The following GRHL1 variants were observed in gnomAD, a reference collection of about 807,000 sequenced individuals.
GRHL1 encodes grainyhead like transcription factor 1.
Under a neutral mutation model 75.7 loss-of-function variants are expected in GRHL1, and 38 were observed. The ratio of observed to expected loss-of-function variants is 0.50; its 90% CI spans 0.39 to 0.66. The LOEUF is 0.66. GRHL1 is among the 30% of genes least tolerant of loss of function. GRHL1 has a pLI of 0.00. For synonymous variants in GRHL1, 266 were observed against 279.4 expected (o/e 0.95, Z 0.48); for missense variants, 589 against 767.5 (o/e 0.77, Z 2.75).
intron 8 of GRHL1, among the ~76,000 whole-genome samples, chr2:9,972,807 T>TC (rs1667782405): frequency 6.6e-6 from 1 of 152,202 alleles, no homozygotes; most frequent in African/African-American, 2.4e-5. Flanking sequence ...GTCCTTAGGT[T>TC]CACCAGCTCC....
chr2:9,986,007 G>T, intron 8 of GRHL1, 117 bp from the exon 9 acceptor site: 1 of 689,122 alleles, frequency 1.5e-6, no homozygotes, highest in Non-Finnish European at 2.3e-6. Context: ...AAAATGAGAA[G>T]CTGAGCTTCT....
intron 14 of GRHL1, among the ~76,000 whole-genome samples, chr2:9,997,987 C>T (rs1413718426): frequency 6.6e-6 from 1 of 152,134 alleles, no homozygotes; most frequent in Non-Finnish European, 1.5e-5. Context: ...TATTATCATC[C>T]ACTCGTACAG....
chr2:9,980,575 T>C (rs1668156354), intron 8 of GRHL1, among the ~76,000 whole-genome samples: 1 of 152,226 alleles, frequency 6.6e-6, no homozygotes, highest in Non-Finnish European at 1.5e-5. Flanking sequence ...TGTGGTTAGT[T>C]TTTTTCTCTT....
At chr2:9,964,586 C>T (rs1010671068) in intron 7 of GRHL1, 19 of 395,724 alleles carry the variant, frequency 4.8e-5, no homozygotes, top group Non-Finnish European at 1.4e-5. Context: ...GGGCCAGAAG[C>T]CATGTAGCTG....
intron 8 of GRHL1, among the ~76,000 whole-genome samples, chr2:9,978,057 T>G (rs1380475859): frequency 6.6e-6 from 1 of 152,170 alleles, no homozygotes; most frequent in Non-Finnish European, 1.5e-5. Context: ...ACTTATTCAC[T>G]ACCACGAGAA....
At chr2:9,993,485 T>G (rs1668732052) in intron 12 of GRHL1, among the ~76,000 whole-genome samples, 1 of 152,258 alleles carries the variant, frequency 6.6e-6, no homozygotes, top group African/African-American at 2.4e-5. Flanking sequence ...AATAATGTCC[T>G]TTATAGCAAA....
At chr2:9,971,538 T>C (rs1419184755) in intron 8 of GRHL1, among the ~76,000 whole-genome samples, 2 of 152,214 alleles carry the variant, frequency 1.3e-5, no homozygotes, top group Non-Finnish European at 2.9e-5. Context: ...TTTCTATCCT[T>C]AAGACCCCAA....
At chr2:9,953,558 T>C (rs1666890684) in intron 1 of GRHL1, among the ~76,000 whole-genome samples, 1 of 152,258 alleles carries the variant, frequency 6.6e-6, no homozygotes, top group East Asian at 1.9e-4. Context: ...TCTTACCAAA[T>C]GTAACGTTTA....
chr2:9,970,592 A>G (rs1667685236), intron 8 of GRHL1, among the ~76,000 whole-genome samples: 1 of 152,172 alleles, frequency 6.6e-6, no homozygotes, highest in Non-Finnish European at 1.5e-5. Flanking sequence ...GCCAATTTCA[A>G]CATACTTTTG....
intron 2 of GRHL1, among the ~76,000 whole-genome samples, chr2:9,955,845 A>G (rs6754701): frequency 0.19 from 29,542 of 152,158 alleles, 4,073 homozygotes; most frequent in African/African-American, 0.39. Flanking sequence ...CTCCTTCTGG[A>G]TTCACCTCTC....
intron 8 of GRHL1, among the ~76,000 whole-genome samples, chr2:9,969,882 G>A (rs574175364): frequency 1.3e-4 from 16 of 119,166 alleles, no homozygotes; most frequent in Admixed American, 3.4e-4. Context: ...TCACTCTTTC[G>A]CCCAGGCTGG....
At chr2:9,961,791 G>A (rs910148133) in intron 4 of GRHL1, among the ~76,000 whole-genome samples, 6 of 152,122 alleles carry the variant, frequency 3.9e-5, no homozygotes, top group Admixed American at 2.6e-4. Context: ...AAGCTCCCTG[G>A]AGCTCATATA....
At chr2:9,962,962 C>T (rs1175494952) in intron 5 of GRHL1, among the ~76,000 whole-genome samples, 1 of 151,834 alleles carries the variant, frequency 6.6e-6, no homozygotes, top group African/African-American at 2.4e-5. Context: ...TTTTTCTGAG[C>T]TGACAACTTT....
chr2:9,987,640 G>A lies in GRHL1; in HGVS notation c.1269+1358G>A, dbSNP rs1236865382. On this transcript the variant is annotated intron_variant, in intron 9 of 15. Coordinates refer to ENST00000324907, the MANE Select transcript of GRHL1 (RefSeq NM_198182.3). This position sits in a 1 kb window ranked among gnomAD's most constrained non-coding sequence, Gnocchi z 4.2. Reference sequence around the variant, plus strand: ...GCCCAGAGGGATCTCTGCATGACCTGTTTTCCCTGGTGTGGCTCTTTTTTT... The same window carrying A: ...GCCCAGAGGGATCTCTGCATGACCTATTTTCCCTGGTGTGGCTCTTTTTTT... 6.6e-6 allele frequency among the ~76,000 whole-genome samples: 1 copy of A among 151,952 alleles called. No homozygotes were observed. Among genetic ancestry groups the A allele is most frequent in the African/African-American group, 2.4e-5 (1 of 41,200 alleles).
At chr2:9,973,227 C>T (rs1013661570) in intron 8 of GRHL1, among the ~76,000 whole-genome samples, 10 of 152,122 alleles carry the variant, frequency 6.6e-5, no homozygotes, top group Non-Finnish European at 7.4e-5. Flanking sequence ...TGGTCTCCTC[C>T]CACCATCAGA....
At chr2:9,981,268 G>T (rs1466831585) in intron 8 of GRHL1, among the ~76,000 whole-genome samples, 1 of 152,202 alleles carries the variant, frequency 6.6e-6, no homozygotes, top group East Asian at 1.9e-4. Context: ...CATGAGTGTG[G>T]GCTGGGCTGA....
intron 8 of GRHL1, among the ~76,000 whole-genome samples, chr2:9,976,788 G>A (rs1201153315): frequency 6.6e-6 from 1 of 152,080 alleles, no homozygotes; most frequent in East Asian, 1.9e-4. Flanking sequence ...TATTTTTAGG[G>A]GTGAAGCAAC....
chr2:9,997,764 A>G (rs1304122350), intron 14 of GRHL1, among the ~76,000 whole-genome samples: 1 of 151,692 alleles, frequency 6.6e-6, no homozygotes, highest in African/African-American at 2.4e-5. Context: ...TGGAGGTTGT[A>G]GTGAGCTGAG....
At position 9,990,283 on chromosome 2, in the gene GRHL1, TG is replaced by T. The variant is rs1668584609; in HGVS notation, c.1270-410del. Among the ~76,000 whole-genome samples, 2 of 152,038 alleles carry T rather than the reference TG, an allele frequency of 1.3e-5. No individual in the cohort carries two copies. The highest frequency in any genetic ancestry group is 2.9e-5 in the Non-Finnish European group (2 of 68,012). On this transcript the variant is annotated intron_variant, in intron 9 of 15. Coordinates refer to ENST00000324907, the MANE Select transcript of GRHL1 (RefSeq NM_198182.3). The surrounding 1 kb of genome is among the most constrained non-coding windows in gnomAD (Gnocchi z 4.2). The stretch of plus-strand genomic sequence containing the variant: ...CTCCTGCCTCAGCCTCCCAAGTAGC[TG>T]GGACTACAGGTGCCCGCTACCACGC...
Sources: gnomAD v4.1 joint callset for allele counts (sites outside exome capture counted in the v4.1 genomes callset) on GRCh38, gnomAD v4.1.1 for gene constraint, Gnocchi (gnomAD v3.1) non-coding constraint, MANE v1.5 for transcripts, NCBI Gene and HGNC (gene_info 2026-07-23, HGNC 2026-07-21) for gene names.